The following TOM1L2 variants were observed in gnomAD, a reference collection of about 807,000 sequenced individuals.
The protein encoded by TOM1L2 is TOM1-like protein 2.
In TOM1L2, 31 loss-of-function variants were observed where a neutral mutation model predicts 67.9. That is an observed-to-expected ratio of 0.46 (90% confidence interval 0.34 to 0.62). TOM1L2 has a LOEUF of 0.62. Among genes scored for constraint, TOM1L2 ranks in the 20% least tolerant of loss-of-function variants. TOM1L2 has a pLI of 0.01. For synonymous variants in TOM1L2, 256 were observed against 254.0 expected, an observed-to-expected ratio of 1.01 and a Z score of -0.07; for missense variants, 606 against 663.5, an observed-to-expected ratio of 0.91 and a Z score of 0.95.
intron 1 of TOM1L2, among the ~76,000 whole-genome samples, chr17:17,930,247 G>C (rs4924827): frequency 2.7e-3 from 404 of 152,230 alleles, no homozygotes; most frequent in African/African-American, 9.3e-3. Flanking sequence ...AGAAAGTGGG[G>C]TATAGAGAAT....
intron 2 of TOM1L2, among the ~76,000 whole-genome samples, chr17:17,903,182 C>G (rs187903136): frequency 2.3e-4 from 35 of 152,320 alleles, no homozygotes; most frequent in African/African-American, 5.3e-4. Context: ...CCCTGCCCCC[C>G]ACCCAGCACT....
intron 1 of TOM1L2, among the ~76,000 whole-genome samples, chr17:17,943,958 G>C (rs2040838922): frequency 6.6e-6 from 1 of 152,172 alleles, no homozygotes; most frequent in Non-Finnish European, 1.5e-5. Flanking sequence ...TCCTACCAGA[G>C]AGCAGCTCAG....
At chr17:17,884,867 T>A in intron 4 of TOM1L2, 99 bp from the exon 5 acceptor site, 1 of 1,500,564 alleles carries the variant, frequency 6.7e-7, no homozygotes, top group Non-Finnish European at 9.1e-7. Context: ...ACCAGTGCTC[T>A]CCTACTTGCA....
intron 1 of TOM1L2, among the ~76,000 whole-genome samples, chr17:17,938,461 T>C (rs188536712): frequency 6.6e-6 from 1 of 152,232 alleles, no homozygotes; most frequent in Admixed American, 6.5e-5. Flanking sequence ...CTGACTAGGA[T>C]GTTCTATATA....
rs775899124 is a variant in TOM1L2, at chr17:17,898,546, A to G, written c.216+50T>C. 25 of 1,596,940 alleles carry G rather than the reference A, an allele frequency of 1.6e-5. No homozygotes were observed. In the Middle Eastern group the frequency reaches 5.2e-4, roughly 33 times the overall value. On this transcript the variant is annotated intron_variant, in intron 3 of 14. Coordinates refer to ENST00000379504, the MANE Select transcript of TOM1L2 (RefSeq NM_001082968.2). ...GCCCTGTGAGGGGGGCAAGGCCAGG[A>G]GCAAGGAGTTCCCCAGATGACTTCT... is the stretch of plus-strand genomic sequence containing the variant.
At chr17:17,910,682 G>T (rs1036779270) in intron 1 of TOM1L2, among the ~76,000 whole-genome samples, 1 of 152,046 alleles carries the variant, frequency 6.6e-6, no homozygotes, top group South Asian at 2.1e-4. Context: ...CAATTCTCCT[G>T]TCTCAGCCTC....
chr17:17,923,853 A>G (rs931391456), intron 1 of TOM1L2, among the ~76,000 whole-genome samples: 3 of 152,072 alleles, frequency 2.0e-5, no homozygotes, highest in Non-Finnish European at 4.4e-5. Flanking sequence ...AAAGAAAAAA[A>G]AAGGCCGGGC....
chr17:17,886,236 T>C (rs756018909), intron 4 of TOM1L2, among the ~76,000 whole-genome samples: 1 of 152,252 alleles, frequency 6.6e-6, no homozygotes, highest in African/African-American at 2.4e-5. Flanking sequence ...GCCTCCTTAA[T>C]TATGACTGAT....
At chr17:17,873,842 G>A (rs369098448) in intron 7 of TOM1L2, among the ~76,000 whole-genome samples, 3 of 152,230 alleles carry the variant, frequency 2.0e-5, no homozygotes, top group Non-Finnish European at 4.4e-5. Context: ...TCCATGGCAC[G>A]GGGCCAGGGC....
At chr17:17,867,940 G>A (rs1412408688) in intron 8 of TOM1L2, among the ~76,000 whole-genome samples, 2 of 152,202 alleles carry the variant, frequency 1.3e-5, no homozygotes, top group Non-Finnish European at 2.9e-5. Flanking sequence ...AATGAACAAT[G>A]AGTATCATCA....
chr17:17,883,593 G>A (rs978047468), intron 5 of TOM1L2, among the ~76,000 whole-genome samples: 5 of 152,186 alleles, frequency 3.3e-5, no homozygotes, highest in Non-Finnish European at 7.3e-5. Context: ...AATTAGCCAG[G>A]CATGGTGGCG....
intron 12 of TOM1L2, among the ~76,000 whole-genome samples, chr17:17,854,403 G>A (rs2143576379): frequency 6.6e-6 from 1 of 152,296 alleles, no homozygotes; most frequent in South Asian, 2.1e-4. Flanking sequence ...AGGCCCTTAG[G>A]AGGCCTCGGT....
At chr17:17,895,096 G>T (rs985625655) in intron 3 of TOM1L2, among the ~76,000 whole-genome samples, 1 of 152,138 alleles carries the variant, frequency 6.6e-6, no homozygotes, top group Admixed American at 6.5e-5. Context: ...TACACACGAC[G>T]AAGGGGATGG....
chr17:17,877,473 GCAGA>G (rs2037481318), intron 7 of TOM1L2, among the ~76,000 whole-genome samples: 1 of 152,172 alleles, frequency 6.6e-6, no homozygotes. Flanking sequence ...CACTTTCTAA[GCAGA>G]CAGTGGTATT....
intron 12 of TOM1L2, among the ~76,000 whole-genome samples, chr17:17,852,499 C>A (rs1229275796): frequency 6.6e-6 from 1 of 152,168 alleles, no homozygotes; most frequent in Non-Finnish European, 1.5e-5. Context: ...TCAGAAAGGC[C>A]CAAGCCAGTC....
chr17:17,863,136 C>A (rs2036654311), intron 10 of TOM1L2: 2 of 353,042 alleles, frequency 5.7e-6, no homozygotes, highest in Non-Finnish European at 1.0e-5. Flanking sequence ...AGTGCACCTG[C>A]AGATTTTCCA....
chr17:17,914,500 G>A (rs188227236), intron 1 of TOM1L2, among the ~76,000 whole-genome samples: 36 of 152,286 alleles, frequency 2.4e-4, no homozygotes, highest in Admixed American at 1.9e-3. Flanking sequence ...TGCATGAAAA[G>A]GGCAGAGAGG....
chr17:17,958,204 C>T (rs767041568), intron 1 of TOM1L2, among the ~76,000 whole-genome samples: 2 of 152,084 alleles, frequency 1.3e-5, no homozygotes, highest in African/African-American at 4.8e-5. Flanking sequence ...AACAAACGAA[C>T]GAACAAACCA....
At chr17:17,900,552 GA>G (rs936748588) in intron 2 of TOM1L2, among the ~76,000 whole-genome samples, 1 of 148,118 alleles carries the variant, frequency 6.8e-6, no homozygotes, top group African/African-American at 2.5e-5. Flanking sequence ...GAGAAAGAAA[GA>G]AAAAAAGTTT....
Sources: gnomAD v4.1 joint callset for allele counts (sites outside exome capture counted in the v4.1 genomes callset) on GRCh38, gnomAD v4.1.1 for gene constraint, MANE v1.5 for transcripts, NCBI Gene and HGNC (gene_info 2026-07-23, HGNC 2026-07-21) for gene names.